Variants in MAML3 observed in about 807,000 individuals in gnomAD.
MAML3 encodes the protein mastermind like transcriptional coactivator 3.
In MAML3, 27 loss-of-function variants were observed where a neutral mutation model predicts 101.9. The observed-to-expected ratio is 0.27, with a 90% CI of 0.20 to 0.37. The LOEUF is 0.37. MAML3 is among the 10% of genes least tolerant of loss of function. MAML3 has a pLI of 1.00. For missense variants in MAML3, 1,316 were observed against 1,444.9 expected (o/e 0.91, Z 1.45); for synonymous variants, 501 against 555.9 (o/e 0.90, Z 1.39).
intron 1 of MAML3, among the ~76,000 whole-genome samples, chr4:140,132,419 T>C (rs972959360): frequency 5.3e-5 from 8 of 152,204 alleles, no homozygotes; most frequent in Non-Finnish European, 1.0e-4. Context: ...CCTGTGCTTC[T>C]CACAGCTGTG....
chr4:139,806,567 G>T (rs1730703346), intron 2 of MAML3, among the ~76,000 whole-genome samples: 1 of 152,118 alleles, frequency 6.6e-6, no homozygotes, highest in South Asian at 2.1e-4. Context: ...CAAGATCCTA[G>T]TTAATAACTT....
chr4:140,035,818 A>T (rs74755585), intron 1 of MAML3, among the ~76,000 whole-genome samples: 2 of 151,904 alleles, frequency 1.3e-5, no homozygotes, highest in East Asian at 3.9e-4. Flanking sequence ...AAAAACTAAC[A>T]TTAATAAAGT....
rs573718809 is a variant in MAML3 at position 139,830,549 on chromosome 4, G to C, written c.2079+58808C>G. Among the ~76,000 whole-genome samples the C allele has an allele frequency of 9.2e-5, 14 of 151,464 alleles. 1 individual carries two copies. In the East Asian group the frequency reaches 2.5e-3, roughly 27 times the overall value. ...CCTGCCTCAGCCTCCCAAGTAGCTG[G>C]GACTACAGGTGCCCGCCACCACGCC... On this transcript the variant is annotated intron_variant, in intron 2 of 4. Coordinates refer to ENST00000509479, the MANE Select transcript of MAML3 (RefSeq NM_018717.5).
intron 2 of MAML3, among the ~76,000 whole-genome samples, chr4:139,876,332 C>T (rs1732114000): frequency 6.6e-6 from 1 of 152,184 alleles, no homozygotes; most frequent in African/African-American, 2.4e-5. Flanking sequence ...TTTGATTGGA[C>T]AGTGCTGCTC....
chr4:140,093,918 G>A (rs1728106197), intron 1 of MAML3, among the ~76,000 whole-genome samples: 1 of 152,116 alleles, frequency 6.6e-6, no homozygotes, highest in South Asian at 2.1e-4. Context: ...AGGTTGTCCT[G>A]CTCACTGTGC....
chr4:140,078,780 G>A (rs1458884041), intron 1 of MAML3, among the ~76,000 whole-genome samples: 4 of 151,998 alleles, frequency 2.6e-5, no homozygotes, highest in Non-Finnish European at 4.4e-5. Flanking sequence ...TCTCCGTGCC[G>A]GACTCCAAGA....
At chr4:140,105,998 C>T (rs1021217983) in intron 1 of MAML3, among the ~76,000 whole-genome samples, 12 of 151,938 alleles carry the variant, frequency 7.9e-5, no homozygotes, top group African/African-American at 2.9e-4. Flanking sequence ...GTTTAGGACT[C>T]CTCACTAATA....
chr4:139,944,155 C>A (rs949644190), intron 1 of MAML3, among the ~76,000 whole-genome samples: 1 of 151,856 alleles, frequency 6.6e-6, no homozygotes, highest in African/African-American at 2.4e-5. Context: ...TAGGCATAAG[C>A]CACCGTGCCC....
At chr4:139,755,446 A>T (rs543326720) in intron 2 of MAML3, among the ~76,000 whole-genome samples, 38 of 152,160 alleles carry the variant, frequency 2.5e-4, no homozygotes, top group African/African-American at 8.9e-4. Flanking sequence ...GTCTCTACTA[A>T]ATGTACAAAA....
chr4:139,744,521 G>A (rs1729262446), intron 2 of MAML3, among the ~76,000 whole-genome samples: 1 of 152,184 alleles, frequency 6.6e-6, no homozygotes, highest in East Asian at 1.9e-4. Context: ...ACCTCCCCCT[G>A]AAGTCTGAGC....
chr4:139,968,309 T>TAAAAAAAAAAAA (rs60977680), intron 1 of MAML3, among the ~76,000 whole-genome samples: 3 of 106,294 alleles, frequency 2.8e-5, no homozygotes, highest in African/African-American at 1.0e-4. Flanking sequence ...GGCTCTGTCT[T>TAAAAAAAAAAAA]AAAAAAAAAA....
chr4:139,991,829 G>C (rs1734678024), intron 1 of MAML3, among the ~76,000 whole-genome samples: 1 of 152,080 alleles, frequency 6.6e-6, no homozygotes, highest in Non-Finnish European at 1.5e-5. Flanking sequence ...CTGGGTGACA[G>C]AGCAAGATCC....
At chr4:139,931,804 G>A (rs1432497965) in intron 1 of MAML3, among the ~76,000 whole-genome samples, 1 of 151,836 alleles carries the variant, frequency 6.6e-6, no homozygotes, top group Non-Finnish European at 1.5e-5. Flanking sequence ...GAGGTCAGGA[G>A]TTCAAGACCA....
At chr4:140,004,358 C>T (rs1052011220) in intron 1 of MAML3, among the ~76,000 whole-genome samples, 19 of 151,124 alleles carry the variant, frequency 1.3e-4, no homozygotes, top group African/African-American at 4.6e-4. Flanking sequence ...TAACTAAAAG[C>T]TGTTACTTCA....
intron 2 of MAML3, among the ~76,000 whole-genome samples, chr4:139,880,886 G>A (rs943709450): frequency 2.0e-5 from 3 of 152,116 alleles, no homozygotes; most frequent in Non-Finnish European, 2.9e-5. Flanking sequence ...CACAATACAG[G>A]AATAAAAATG....
intron 1 of MAML3, among the ~76,000 whole-genome samples, chr4:139,916,931 A>T: frequency 6.6e-6 from 1 of 152,102 alleles, no homozygotes; most frequent in East Asian, 1.9e-4. Flanking sequence ...TAAAATATAG[A>T]GATAATGCAG....
intron 1 of MAML3, among the ~76,000 whole-genome samples, chr4:139,959,168 T>C (rs813979): frequency 0.37 from 56,808 of 152,036 alleles, 11,709 homozygotes; most frequent in African/African-American, 0.55. Context: ...AAGCATTTTA[T>C]TGAAATCTCC....
At chr4:140,094,102 A>G (rs921066875) in intron 1 of MAML3, among the ~76,000 whole-genome samples, 7 of 152,158 alleles carry the variant, frequency 4.6e-5, no homozygotes, top group African/African-American at 1.7e-4. Context: ...AGGCCTGATG[A>G]CGTAACAGGT....
At chr4:139,949,812 C>G (rs1036425267) in intron 1 of MAML3, among the ~76,000 whole-genome samples, 2 of 152,094 alleles carry the variant, frequency 1.3e-5, no homozygotes, top group South Asian at 4.2e-4. Context: ...TGGTCAAATA[C>G]CAATATAGAT....
Sources: gnomAD v4.1 joint callset for allele counts (sites outside exome capture counted in the v4.1 genomes callset) on GRCh38, gnomAD v4.1.1 for gene constraint, MANE v1.5 for transcripts, NCBI Gene and HGNC (gene_info 2026-07-23, HGNC 2026-07-21) for gene names.